The following LARP1B variants were observed in gnomAD, a reference collection of about 807,000 sequenced individuals.
The protein encoded by LARP1B is la-related protein 1B.
Under a neutral mutation model 114.2 loss-of-function variants are expected in LARP1B, and 76 were observed. The ratio of observed to expected loss-of-function variants is 0.67; its 90% CI spans 0.55 to 0.81. The LOEUF (loss-of-function observed/expected upper bound fraction) is 0.81, where lower values mean the gene tolerates loss of function less well. LARP1B is among the 30% of genes least tolerant of loss of function. The pLI is 0.00. For synonymous variants in LARP1B, 345 were observed against 348.0 expected, an observed-to-expected ratio of 0.99 and a Z score of 0.10; for missense variants, 1,014 against 1,075.8, an observed-to-expected ratio of 0.94 and a Z score of 0.80.
chr4:128,166,960 CTCTCTCTCTCTA>C (rs759303265), intron 12 of LARP1B, among the ~76,000 whole-genome samples: 1,122 of 111,336 alleles, frequency 0.01, 14 homozygotes, highest in African/African-American at 0.033. Context: ...CTCTCTCTCT[CTCTCTCTCTCTA>C]TATATATATA....
chr4:128,070,152 A>G (rs1400678608), intron 1 of LARP1B, among the ~76,000 whole-genome samples: 1 of 151,768 alleles, frequency 6.6e-6, no homozygotes, highest in Non-Finnish European at 1.5e-5. Context: ...CCCTGTCTCT[A>G]CTAAAAATAC....
chr4:128,192,123 T>A (rs1037985713), intron 15 of LARP1B, among the ~76,000 whole-genome samples: 1 of 152,210 alleles, frequency 6.6e-6, no homozygotes, highest in Non-Finnish European at 1.5e-5. Context: ...CTCTGCCATT[T>A]TGGTGACATC....
In LARP1B at chr4:128,091,050, T is replaced by C. The variant is rs768163407; in HGVS notation, c.408T>C (p.Ser136=). The C allele has an allele frequency of 4.5e-5, 72 of 1,613,632 alleles. No homozygotes were observed. The highest frequency in any genetic ancestry group is 6.1e-5 in the Non-Finnish European group (72 of 1,179,764). Residue 136 remains serine (S), a synonymous_variant, in exon 6 of 20, where the codon AGT becomes AGC. Coordinates refer to ENST00000326639, the MANE Select transcript of LARP1B (RefSeq NM_018078.4). ...GGGATGATCAAGATGACGTTTCCAG[T>C]GTGAGAAGTGAGGGTGGTAATATCC... ...EKRDDQDDVS[S]VRSEGGNIRG...
Position 128,209,860 on chromosome 4 carries a change from CT to C in LARP1B, c.2553del (p.Ile852LeufsTer47), listed in dbSNP as rs1372002220. 1.2e-6 allele frequency: 2 copies of C among 1,613,088 alleles called. No individual in the cohort carries two copies. The highest frequency in any genetic ancestry group is 2.2e-5 in the East Asian group (1 of 44,866). On this transcript the variant is annotated frameshift_variant, in exon 20 of 20. Transcript: ENST00000326639. LOFTEE classifies it low-confidence loss of function (END_TRUNC). ...KRLEDFRVDP[P>X]ISDEFGRKRH... Reference sequence around the variant, plus strand: ...GTTGCCTTTCATCATTTGCAGCCCCCTATTAGTGATGAATTTGGAAGAAAAA... The same window carrying C: ...GTTGCCTTTCATCATTTGCAGCCCCCATTAGTGATGAATTTGGAAGAAAAA...
intron 12 of LARP1B, among the ~76,000 whole-genome samples, chr4:128,176,451 G>A (rs916840455): frequency 6.6e-6 from 1 of 151,066 alleles, no homozygotes; most frequent in African/African-American, 2.4e-5. Context: ...CTGCTACCAC[G>A]CCTGGCTAAT....
intron 15 of LARP1B, among the ~76,000 whole-genome samples, chr4:128,188,322 G>T (rs529507613): frequency 1.3e-5 from 2 of 152,074 alleles, no homozygotes; most frequent in Non-Finnish European, 2.9e-5. Context: ...TCATCCGCCC[G>T]CCTTGGTCTC....
At chr4:128,201,961 G>A (rs1165837606) in intron 17 of LARP1B, among the ~76,000 whole-genome samples, 3 of 152,104 alleles carry the variant, frequency 2.0e-5, no homozygotes, top group Admixed American at 2.0e-4. Context: ...TGTGATCTTT[G>A]AGAAGAATAC....
rs750048285 is a variant in LARP1B, at chr4:128,082,321, A to G, written c.358+16A>G. 5.0e-6 allele frequency: 8 copies of G among 1,610,564 alleles called. No individual in the cohort carries two copies. The highest frequency in any genetic ancestry group is 1.7e-4 in the Middle Eastern group (1 of 6,046). On this transcript the variant is annotated intron_variant, in intron 5 of 19. Transcript: ENST00000326639. ...GATACACGAAGTAAGTTACCATTCTAAGACAAAAATGACTAAGGAAAGACT... is the reference window on the plus strand; with the variant it reads ...GATACACGAAGTAAGTTACCATTCTGAGACAAAAATGACTAAGGAAAGACT...
At chr4:128,092,849 C>T in intron 7 of LARP1B, 1 of 985,382 alleles carries the variant, frequency 1.0e-6, no homozygotes, top group Non-Finnish European at 1.2e-6. Context: ...CAACTTCATA[C>T]CACTATTACT....
Position 128,143,747 on chromosome 4 carries a change from A to T in LARP1B, c.1525-18447A>T, listed in dbSNP as rs867311130. Among the ~76,000 whole-genome samples, 7 of 151,516 alleles carry T rather than the reference A, an allele frequency of 4.6e-5. No homozygotes were observed. The South Asian group carries it at 1.5e-3, about 32-fold the overall frequency. ...GCACTCAAATATTGAAACTTGGTAT[A>T]GGTATTGGAGAAATGACAGTATCTG... On this transcript the variant is annotated intron_variant, in intron 11 of 19. Coordinates refer to ENST00000326639, the MANE Select transcript of LARP1B (RefSeq NM_018078.4).
chr4:128,187,109 G>A (rs1750637100), intron 15 of LARP1B, among the ~76,000 whole-genome samples: 1 of 152,240 alleles, frequency 6.6e-6, no homozygotes, highest in Non-Finnish European at 1.5e-5. Context: ...GGACAGTGCA[G>A]AGAGGAAATG....
chr4:128,083,302 A>G (rs866640254), intron 5 of LARP1B, among the ~76,000 whole-genome samples: 141 of 152,120 alleles, frequency 9.3e-4, no homozygotes, highest in African/African-American at 3.2e-3. Flanking sequence ...CGCCATTGTC[A>G]TCCTGGCCCG....
In LARP1B at chr4:128,122,197, T is replaced by G; in HGVS notation, c.1524+9T>G. The G allele has an allele frequency of 6.2e-7, 1 of 1,610,532 alleles. No homozygotes were observed. Among genetic ancestry groups the G allele is most frequent in the East Asian group, 2.2e-5 (1 of 44,810 alleles). On this transcript the variant is annotated intron_variant, in intron 11 of 19. Coordinates refer to ENST00000326639, the MANE Select transcript of LARP1B (RefSeq NM_018078.4). ...AACACACAGCCATAAAGGTAATTGT[T>G]TCTGGCCAACATCTTTCTACTGATG...
Position 128,206,533 on chromosome 4 carries a change from A to G in LARP1B, c.2415A>G (p.Glu805=). 6.2e-7 allele frequency: 1 copy of G among 1,607,562 alleles called. No individual in the cohort carries two copies. Among genetic ancestry groups the G allele is most frequent in the East Asian group, 2.2e-5 (1 of 44,794 alleles). The part of the protein sequence containing the change: ...DFQEETKKDY[E]SGQLYGLEKF... ...AAGAAGAAACCAAAAAAGACTACGA[A>G]TCTGGTAACAATAACATCAGAAAAC... is the stretch of plus-strand genomic sequence containing the variant. The change falls in exon 18 of 20, where the codon GAA becomes GAG. Residue 805 remains glutamate, a synonymous_variant. Coordinates refer to ENST00000326639, the MANE Select transcript of LARP1B (RefSeq NM_018078.4).
In LARP1B at chr4:128,077,517, C is replaced by CA. The variant is rs1187569902; in HGVS notation, c.43-260dup. On this transcript the variant is annotated intron_variant, in intron 3 of 19. Coordinates refer to ENST00000326639, the MANE Select transcript of LARP1B (RefSeq NM_018078.4). ...CTCTGTCCTCCCGCCCCCGCCCCTG[C>CA]AAAAAAAAAAAGTGGTATTGATTTG... is the stretch of plus-strand genomic sequence containing the variant. Among the ~76,000 whole-genome samples the CA allele has an allele frequency of 1.3e-3, 175 of 132,556 alleles. 1 individual carries two copies. Among genetic ancestry groups the CA allele is most frequent in the Middle Eastern group, 7.7e-3 (2 of 260 alleles). 87.0% of individuals were successfully genotyped at this position (132,556 alleles called of 152,430 possible).
At chr4:128,117,783 G>A (rs1461373369) in intron 10 of LARP1B, among the ~76,000 whole-genome samples, 2 of 152,088 alleles carry the variant, frequency 1.3e-5, no homozygotes, top group East Asian at 1.9e-4. Context: ...GCCTCCCAAA[G>A]TGTTGGGATT....
intron 11 of LARP1B, among the ~76,000 whole-genome samples, chr4:128,159,931 T>A (rs1385453720): frequency 6.6e-6 from 1 of 152,218 alleles, no homozygotes; most frequent in Admixed American, 6.5e-5. Context: ...TAGGAATTTG[T>A]TTGTAATAGC....
At chr4:128,213,844 G>A (rs1459780159), downstream of LARP1B, among the ~76,000 whole-genome samples, 1 of 152,118 alleles carries the variant, frequency 6.6e-6, no homozygotes, top group East Asian at 1.9e-4. Flanking sequence ...AGCTCCCAGC[G>A]TGAGCGACGC....
chr4:128,117,609 C>G (rs1406337383), intron 10 of LARP1B, among the ~76,000 whole-genome samples: 1 of 152,052 alleles, frequency 6.6e-6, no homozygotes, highest in Admixed American at 6.6e-5. Context: ...TTCTCGAACT[C>G]CTGACCTCAG....
Sources: gnomAD v4.1 joint callset for allele counts (sites outside exome capture counted in the v4.1 genomes callset) on GRCh38, gnomAD v4.1.1 for gene constraint, MANE v1.5 for transcripts, NCBI Gene and HGNC (gene_info 2026-07-23, HGNC 2026-07-21) for gene names.